PLPPR1: variants seen among roughly 807,000 people sequenced by gnomAD.
PLPPR1 encodes phospholipid phosphatase related 1, also known as phospholipid phosphatase-related protein type 1.
A neutral mutation model predicts 33.1 loss-of-function variants in PLPPR1; 10 were observed. That is an observed-to-expected ratio of 0.30 (90% CI 0.19 to 0.51). The LOEUF (loss-of-function observed/expected upper bound fraction) is 0.51. PLPPR1 is among the 20% of genes least tolerant of loss of function. The probability of loss-of-function intolerance (pLI) is 0.97; values close to 1 mark genes in which losing one functional copy is unlikely to be tolerated. For synonymous variants in PLPPR1, 151 were observed against 151.0 expected (o/e 1.00, Z 0.00); for missense variants, 304 against 408.1 (o/e 0.74, Z 2.20).
chr9:101,302,914 A>G (rs1478391108), intron 4 of PLPPR1, among the ~76,000 whole-genome samples: 1 of 152,208 alleles, frequency 6.6e-6, no homozygotes, highest in Non-Finnish European at 1.5e-5. Flanking sequence ...TACTTTCACT[A>G]TCTTTCACGA....
At chr9:101,250,949 T>A (rs1827703426) in intron 2 of PLPPR1, among the ~76,000 whole-genome samples, 1 of 151,934 alleles carries the variant, frequency 6.6e-6, no homozygotes, top group Non-Finnish European at 1.5e-5. Context: ...GTCATCACCT[T>A]TTTCAGTCTC....
chr9:101,232,256 A>G (rs1827202594), intron 2 of PLPPR1, among the ~76,000 whole-genome samples: 1 of 151,956 alleles, frequency 6.6e-6, no homozygotes, highest in Non-Finnish European at 1.5e-5. Flanking sequence ...CCTCACTGAG[A>G]AATTCTGGAA....
At chr9:101,316,396 G>A (rs7023799) in intron 6 of PLPPR1, among the ~76,000 whole-genome samples, 1 of 150,942 alleles carries the variant, frequency 6.6e-6, no homozygotes, top group Admixed American at 6.6e-5. Context: ...GAGATCGTAC[G>A]ACTGCACTCC....
chr9:101,067,448 T>TA (rs1450769596), intron 1 of PLPPR1, among the ~76,000 whole-genome samples: 1 of 151,960 alleles, frequency 6.6e-6, no homozygotes, highest in African/African-American at 2.4e-5. Context: ...ATAGGATGGT[T>TA]AAAAAATATA....
At chr9:101,269,211 T>C (rs1301702461) in intron 2 of PLPPR1, among the ~76,000 whole-genome samples, 3 of 152,082 alleles carry the variant, frequency 2.0e-5, no homozygotes, top group Non-Finnish European at 4.4e-5. Flanking sequence ...TTTATGTCTG[T>C]CTAAATCTTA....
intron 2 of PLPPR1, among the ~76,000 whole-genome samples, chr9:101,230,746 A>G (rs1827165429): frequency 6.6e-6 from 1 of 151,960 alleles, no homozygotes; most frequent in African/African-American, 2.4e-5. Flanking sequence ...AGTGGGTGCT[A>G]TTTTATCAAC....
intron 1 of PLPPR1, among the ~76,000 whole-genome samples, chr9:101,064,766 C>T (rs538330968): frequency 8.6e-5 from 13 of 152,032 alleles, no homozygotes; most frequent in Middle Eastern, 3.4e-3. Context: ...ATTGAGGGAG[C>T]GCATCTGATG....
chr9:101,030,963 G>T (rs999906018), intron 1 of PLPPR1, among the ~76,000 whole-genome samples: 2 of 151,752 alleles, frequency 1.3e-5, no homozygotes, highest in African/African-American at 2.4e-5. Flanking sequence ...AGCAGGGGGT[G>T]GGGGGGAATT....
intron 2 of PLPPR1, among the ~76,000 whole-genome samples, chr9:101,193,424 T>C (rs1159243514): frequency 6.6e-6 from 1 of 152,150 alleles, no homozygotes; most frequent in African/African-American, 2.4e-5. Flanking sequence ...GTATAAGATA[T>C]ACAGCCTCAC....
intron 2 of PLPPR1, among the ~76,000 whole-genome samples, chr9:101,247,962 G>GA (rs1483487747): frequency 6.6e-6 from 1 of 151,872 alleles, no homozygotes; most frequent in African/African-American, 2.4e-5. Context: ...CTCCTTCACA[G>GA]AAAAATAAAT....
intron 2 of PLPPR1, among the ~76,000 whole-genome samples, chr9:101,199,677 A>G (rs969543380): frequency 3.3e-5 from 5 of 152,214 alleles, no homozygotes; most frequent in African/African-American, 1.2e-4. Flanking sequence ...TTGAGGACTG[A>G]GACACAGAAA....
chr9:101,080,757 C>G (rs904244726), intron 1 of PLPPR1, among the ~76,000 whole-genome samples: 1 of 152,090 alleles, frequency 6.6e-6, no homozygotes, highest in Non-Finnish European at 1.5e-5. Flanking sequence ...ATAATTCTAT[C>G]GTTTTCAGTA....
At chr9:101,233,653 C>T (rs1195910233) in intron 2 of PLPPR1, among the ~76,000 whole-genome samples, 2 of 151,884 alleles carry the variant, frequency 1.3e-5, no homozygotes, top group African/African-American at 4.8e-5. Context: ...TTTCTCTCAC[C>T]TTCTGACATG....
At chr9:101,175,540 G>T (rs7850338) in intron 1 of PLPPR1, among the ~76,000 whole-genome samples, 12,329 of 152,006 alleles carry the variant, frequency 0.081, 1,645 homozygotes, top group African/African-American at 0.28. Context: ...TATTTCTTTT[G>T]CATATAAGTG....
chr9:101,228,032 G>A (rs539697394), intron 2 of PLPPR1, among the ~76,000 whole-genome samples: 15 of 152,232 alleles, frequency 9.9e-5, no homozygotes, highest in African/African-American at 3.1e-4. Flanking sequence ...ACCCACCTTG[G>A]CCTCCCAAAG....
chr9:101,140,713 C>A (rs1336602205), intron 1 of PLPPR1, among the ~76,000 whole-genome samples: 2 of 152,032 alleles, frequency 1.3e-5, no homozygotes, highest in African/African-American at 4.8e-5. Context: ...AGATAATAAC[C>A]AATTACTTAC....
chr9:101,317,081 G>T (rs975197149), intron 6 of PLPPR1, among the ~76,000 whole-genome samples: 1 of 152,172 alleles, frequency 6.6e-6, no homozygotes, highest in Non-Finnish European at 1.5e-5. Context: ...GAGGTGGTTT[G>T]CATTCACCAT....
intron 1 of PLPPR1, among the ~76,000 whole-genome samples, chr9:101,182,095 A>G (rs186367947): frequency 1.3e-5 from 2 of 151,740 alleles, no homozygotes; most frequent in South Asian, 4.1e-4. Flanking sequence ...GGGAAATAAC[A>G]TGGATGAACC....
chr9:101,252,256 A>G (rs1827725596), intron 2 of PLPPR1, among the ~76,000 whole-genome samples: 1 of 152,162 alleles, frequency 6.6e-6, no homozygotes, highest in Non-Finnish European at 1.5e-5. Flanking sequence ...TTGCACAGGT[A>G]TAGAACATTT....
Sources: gnomAD v4.1 joint callset for allele counts (sites outside exome capture counted in the v4.1 genomes callset) on GRCh38, gnomAD v4.1.1 for gene constraint, MANE v1.5 for transcripts, NCBI Gene and HGNC (gene_info 2026-07-23, HGNC 2026-07-21) for gene names.